The following FRMD4A variants were observed in gnomAD, a reference collection of about 807,000 sequenced individuals.
FRMD4A encodes the protein FERM domain containing 4A, also known as FERM domain-containing protein 4A.
In FRMD4A, 29 loss-of-function variants were observed where a neutral mutation model predicts 129.1. The observed-to-expected ratio is 0.22, with a 90% CI of 0.17 to 0.31. The LOEUF is 0.31. Among genes scored for constraint, FRMD4A ranks in the 10% least tolerant of loss-of-function variants. The pLI is 1.00. For missense variants in FRMD4A, 1,272 were observed against 1,375.8 expected, an observed-to-expected ratio of 0.92 and a Z score of 1.19; for synonymous variants, 634 against 571.6, an observed-to-expected ratio of 1.11 and a Z score of -1.56.
chr10:13,879,342 C>T (rs565073195), intron 2 of FRMD4A, among the ~76,000 whole-genome samples: 1 of 151,772 alleles, frequency 6.6e-6, no homozygotes, highest in Admixed American at 6.6e-5. Context: ...CAAAAACAAA[C>T]AAAAAAAATC....
At chr10:14,202,831 G>T (rs115308771) in intron 2 of FRMD4A, among the ~76,000 whole-genome samples, 1 of 152,062 alleles carries the variant, frequency 6.6e-6, no homozygotes, top group African/African-American at 2.4e-5. Flanking sequence ...GGAGTTCAGC[G>T]GTGCAATCAT....
intron 2 of FRMD4A, among the ~76,000 whole-genome samples, chr10:14,100,847 A>C (rs1361032024): frequency 6.6e-6 from 1 of 152,188 alleles, no homozygotes; most frequent in Non-Finnish European, 1.5e-5. Context: ...TCATTTGATG[A>C]CTTTAGTGGA....
chr10:13,682,932 C>G (rs537298973), intron 15 of FRMD4A, among the ~76,000 whole-genome samples: 6 of 152,344 alleles, frequency 3.9e-5, no homozygotes, highest in Admixed American at 1.3e-4. Context: ...GTCTTGATCT[C>G]AGCTGGGCTG....
intron 12 of FRMD4A, among the ~76,000 whole-genome samples, chr10:13,710,062 G>A (rs1197136840): frequency 6.6e-6 from 1 of 152,084 alleles, no homozygotes; most frequent in Non-Finnish European, 1.5e-5. Flanking sequence ...CCTGCTCATT[G>A]TGGACTTGAT....
chr10:13,797,293 G>C (rs983875463), intron 4 of FRMD4A, among the ~76,000 whole-genome samples: 6 of 152,180 alleles, frequency 3.9e-5, no homozygotes, highest in African/African-American at 1.4e-4. Flanking sequence ...CAATCCTCAC[G>C]ACATCTTGCT....
chr10:14,271,575 T>C (rs1845165787), intron 2 of FRMD4A, among the ~76,000 whole-genome samples: 1 of 152,250 alleles, frequency 6.6e-6, no homozygotes, highest in African/African-American at 2.4e-5. Flanking sequence ...TTTTTCTTTT[T>C]CTCATCAATG....
At chr10:14,022,634 T>C (rs1185828736) in intron 2 of FRMD4A, among the ~76,000 whole-genome samples, 1 of 152,084 alleles carries the variant, frequency 6.6e-6, no homozygotes, top group African/African-American at 2.4e-5. Context: ...GAGGTTGGGC[T>C]AGAGATGATA....
chr10:13,871,619 C>T (rs1358648802), intron 2 of FRMD4A, among the ~76,000 whole-genome samples: 1 of 152,192 alleles, frequency 6.6e-6, no homozygotes, highest in Non-Finnish European at 1.5e-5. Context: ...CTGAGGAAGC[C>T]GCTGACTCTG....
chr10:14,080,636 G>A (rs192102151), intron 2 of FRMD4A, among the ~76,000 whole-genome samples: 85 of 152,128 alleles, frequency 5.6e-4, no homozygotes, highest in Admixed American at 9.8e-4. Context: ...AATCACAGAA[G>A]CGATCTTGGA....
At chr10:14,250,793 T>C (rs984535065) in intron 2 of FRMD4A, among the ~76,000 whole-genome samples, 1 of 152,138 alleles carries the variant, frequency 6.6e-6, no homozygotes, top group Non-Finnish European at 1.5e-5. Flanking sequence ...AGAGAGGGAA[T>C]GGGCAGTCTC....
At chr10:13,685,386 A>G in intron 15 of FRMD4A, 1 of 984,648 alleles carries the variant, frequency 1.0e-6, no homozygotes. Context: ...AAAATAACTG[A>G]ACATTCATTT....
rs10695622 is a variant in FRMD4A, at chr10:13,657,788, G to GTTTTT, written c.2067-271_2067-267dup. 1.7e-4 allele frequency among the ~76,000 whole-genome samples: 24 copies of GTTTTT among 143,332 alleles called. No homozygotes were observed. The South Asian group carries it at 4.0e-3, about 24-fold the overall frequency. The allele number at this position is 143,332 out of a possible 152,430, so 94.0% of individuals were successfully genotyped here. On this transcript the variant is annotated intron_variant, in intron 21 of 24. Transcript: ENST00000357447. ...CTCACAGAAAGGTTTCGATTTCTGG[G>GTTTTT]TTTTTTTTTTTTTTTAAATAATTCT... is the stretch of plus-strand genomic sequence containing the variant.
At chr10:14,237,244 A>T (rs1843857190) in intron 2 of FRMD4A, among the ~76,000 whole-genome samples, 1 of 152,062 alleles carries the variant, frequency 6.6e-6, no homozygotes, top group Non-Finnish European at 1.5e-5. Flanking sequence ...TGGGGTTAGG[A>T]GATGTGTGCT....
intron 2 of FRMD4A, among the ~76,000 whole-genome samples, chr10:14,136,286 C>T (rs886368474): frequency 6.6e-6 from 1 of 152,118 alleles, no homozygotes; most frequent in African/African-American, 2.4e-5. Context: ...ATGACAACTA[C>T]AAAGATAAAA....
chr10:13,805,637 C>T (rs190208182), intron 4 of FRMD4A, among the ~76,000 whole-genome samples: 2 of 152,108 alleles, frequency 1.3e-5, no homozygotes, highest in East Asian at 3.9e-4. Flanking sequence ...CTTCTGATAA[C>T]GGGATCTTCC....
intron 2 of FRMD4A, among the ~76,000 whole-genome samples, chr10:14,076,501 G>A (rs1372589088): frequency 3.9e-5 from 6 of 152,132 alleles, no homozygotes; most frequent in South Asian, 2.1e-4. Context: ...TTAGCTGGGT[G>A]TGGTGGTGGG....
chr10:14,223,762 AAAGAG>A lies in FRMD4A; in HGVS notation c.45+106291_45+106295del, dbSNP rs1286545869. Among the ~76,000 whole-genome samples, 591 of 120,734 alleles carry A rather than the reference AAAGAG, an allele frequency of 4.9e-3. 4 individuals carry two copies. The highest frequency in any genetic ancestry group is 0.02 in the African/African-American group (561 of 27,894). The allele number at this position is 120,734 out of a possible 152,430, so 79.2% of individuals were successfully genotyped here. A position where few individuals can be genotyped will look rare whatever the true frequency, so the allele number is the denominator to read the frequency against. ...TCTCAAAATGAAAAAAAAAAAAAAA[AAAGAG>A]AGAGAGAGAGAGAGAAAGAGAGAAT... On this transcript the variant is annotated intron_variant, in intron 2 of 24. Transcript: ENST00000357447.
chr10:13,861,027 G>T (rs1055957642), intron 2 of FRMD4A, among the ~76,000 whole-genome samples: 6 of 152,202 alleles, frequency 3.9e-5, no homozygotes, highest in African/African-American at 1.4e-4. Context: ...CTATCCTGAT[G>T]AGAATGAGCG....
At chr10:13,774,231 C>T (rs928471047) in intron 6 of FRMD4A, among the ~76,000 whole-genome samples, 3 of 152,104 alleles carry the variant, frequency 2.0e-5, no homozygotes, top group African/African-American at 4.8e-5. Context: ...ACTACATTTT[C>T]CTGCTCTATT....
Sources: gnomAD v4.1 joint callset for allele counts (sites outside exome capture counted in the v4.1 genomes callset) on GRCh38, gnomAD v4.1.1 for gene constraint, MANE v1.5 for transcripts, NCBI Gene and HGNC (gene_info 2026-07-23, HGNC 2026-07-21) for gene names.